Variants in ALDH3B1 observed in about 807,000 individuals in gnomAD.
ALDH3B1 encodes aldehyde dehydrogenase 3 family member B1.
ALDH3B1 carries 37 observed loss-of-function variants against 46.2 expected under a neutral mutation model. The ratio of observed to expected loss-of-function variants is 0.80; its 90% CI spans 0.62 to 1.05. ALDH3B1 has a LOEUF of 1.05. Ranked by LOEUF, ALDH3B1 falls within the 50% of genes least tolerant of loss-of-function variation. ALDH3B1 has a pLI of 0.00. For missense variants in ALDH3B1, 603 were observed against 665.5 expected, an observed-to-expected ratio of 0.91 and a Z score of 1.03; for synonymous variants, 283 against 281.0, an observed-to-expected ratio of 1.01 and a Z score of -0.07.
intron 6 of ALDH3B1, among the ~76,000 whole-genome samples, chr11:68,020,088 C>G (rs1292322506): frequency 6.6e-6 from 1 of 152,212 alleles, no homozygotes; most frequent in Admixed American, 6.5e-5. Flanking sequence ...AGACACCACC[C>G]TACTGGTGCC....
intron 5 of ALDH3B1, 97 bp downstream of exon 5, chr11:68,019,352 C>T: frequency 9.5e-7 from 1 of 1,050,286 alleles, no homozygotes; most frequent in South Asian, 1.4e-5. Flanking sequence ...GACCCGAGTC[C>T]CCACCTCAAT....
At position 68,021,640 on chromosome 11, in the gene ALDH3B1, G is replaced by C; in HGVS notation, c.718G>C (p.Ala240Pro). The C allele has an allele frequency of 5.0e-6, 8 of 1,613,938 alleles. No homozygotes were observed. Among genetic ancestry groups the C allele is most frequent in the Non-Finnish European group, 4.2e-6 (5 of 1,179,968 alleles). Reference protein sequence around the residue: ...NRVAWFRYFNAGQTCVAPDYV... With the variant: ...NRVAWFRYFNPGQTCVAPDYV... ...CGTGGCCTGGTTCCGCTACTTCAAC[G>C]CCGGCCAGACCTGCGTGGCCCCCGA... The change falls in exon 7 of 10, where the codon GCC becomes CCC. Residue 240 changes from alanine to proline, a missense_variant. By Grantham distance (27) the Ala-to-Pro change is conservative. Coordinates refer to ENST00000342456, the MANE Select transcript of ALDH3B1 (RefSeq NM_000694.4).
intron 8 of ALDH3B1, 26 bp downstream of exon 8, chr11:68,022,787 G>C (rs1857536695): frequency 6.2e-7 from 1 of 1,612,900 alleles, no homozygotes; most frequent in Non-Finnish European, 8.5e-7. Context: ...GGCTGGGCAG[G>C]GTCAGGAGCC....
rs1266267713 is a variant in ALDH3B1 at position 68,022,766 on chromosome 11, G to C, written c.1116+5G>C. 6.2e-7 allele frequency: 1 copy of C among 1,613,748 alleles called. No individual in the cohort carries two copies. Among genetic ancestry groups the C allele is most frequent in the Non-Finnish European group, 8.5e-7 (1 of 1,179,918 alleles). ...GCCTTCTCCAACAGCAGCCAGGTGG[G>C]GGTGCGGCCGGGCTGGGCAGGGTCA... On this transcript the variant is annotated splice_donor_5th_base_variant and intron_variant, in intron 8 of 9. Coordinates refer to ENST00000342456, the MANE Select transcript of ALDH3B1 (RefSeq NM_000694.4).
At chr11:68,027,687 CCACT>C (rs1392381045) in intron 9 of ALDH3B1, 58 bp from the exon 10 acceptor site, 1 of 1,508,354 alleles carries the variant, frequency 6.6e-7, no homozygotes, top group African/African-American at 1.4e-5. Flanking sequence ...CGCCTAGGCC[CCACT>C]GTCTGTGACT....
chr11:68,021,751 C>G lies in ALDH3B1; in HGVS notation c.829C>G (p.Gln277Glu). 6.2e-7 allele frequency: 1 copy of G among 1,614,202 alleles called. No homozygotes were observed. The change falls in exon 7 of 10, where the codon CAG becomes GAG. Residue 277 changes from glutamine to glutamate, a missense_variant. Physicochemically the swap from Gln to Glu is conservative, Grantham distance 29 (BLOSUM62 2). Coordinates refer to ENST00000342456, the MANE Select transcript of ALDH3B1 (RefSeq NM_000694.4). ...CACCCGTTTCTATGGCGACGACCCC[C>G]AGAGCTCCCCAAACCTGGGCCGCAT... ...TITRFYGDDP[Q>E]SSPNLGRIIN... is the part of the protein sequence containing the mutation.
At chr11:68,021,914 C>T (rs1397251896) in intron 7 of ALDH3B1, 43 bp downstream of exon 7, 1 of 1,549,432 alleles carries the variant, frequency 6.5e-7, no homozygotes, top group East Asian at 2.3e-5. Context: ...GGGCCAAGAC[C>T]CCTCCTCACT....
Position 68,018,778 on chromosome 11 carries a change from G to T in ALDH3B1, c.279G>T (p.Thr93=). 6.4e-7 allele frequency: 1 copy of T among 1,553,324 alleles called. No homozygotes were observed. Among genetic ancestry groups the T allele is most frequent in the Non-Finnish European group, 8.7e-7 (1 of 1,148,374 alleles). Residue 93 remains threonine (T), a synonymous_variant, in exon 4 of 10, where the codon ACG becomes ACT. Transcript: ENST00000342456. Reference sequence around the variant, plus strand: ...ATCCCCGGCTCCCGGCCCAGGCCACGCAGCTGGACTCCGCCTTCATCCGGA... The same window carrying T: ...ATCCCCGGCTCCCGGCCCAGGCCACTCAGCTGGACTCCGCCTTCATCCGGA... The part of the protein sequence containing the change: ...KDERVPKNLA[T]QLDSAFIRKE...
In ALDH3B1 at chr11:68,013,154, G is replaced by A. The variant is rs61887539; in HGVS notation, c.-1-2143G>A. 8.2e-3 allele frequency among the ~76,000 whole-genome samples: 1,245 copies of A among 152,246 alleles called. 11 individuals are homozygous for A. The highest frequency in any genetic ancestry group is 0.01 in the Non-Finnish European group (683 of 68,000). On this transcript the variant is annotated intron_variant, in intron 1 of 9. Coordinates refer to ENST00000342456, the MANE Select transcript of ALDH3B1 (RefSeq NM_000694.4). The stretch of plus-strand genomic sequence containing the variant: ...TCCCCCCAATCTCAGGCAGAAGGCG[G>A]CCTTGGCTTCTCCGCTTGCCAGGGT...
chr11:68,016,865 C>G (rs749080897), intron 2 of ALDH3B1: 2 of 152,330 alleles, frequency 1.3e-5, no homozygotes, highest in Non-Finnish European at 2.9e-5. Context: ...TTTCTCCCTT[C>G]GGCTCTGATT....
chr11:68,018,296 T>G, intron 2 of ALDH3B1: 3 of 557,970 alleles, frequency 5.4e-6, no homozygotes, highest in Non-Finnish European at 9.6e-6. Flanking sequence ...CGTTCTCACT[T>G]TCACATGGAA....
intron 1 of ALDH3B1, among the ~76,000 whole-genome samples, chr11:68,014,464 C>T (rs974103843): frequency 6.6e-6 from 1 of 152,196 alleles, no homozygotes; most frequent in Admixed American, 6.5e-5. Context: ...AGTGCTCCTC[C>T]GATGAACTTC....
chr11:68,012,975 G>T (rs1009693989), intron 1 of ALDH3B1, among the ~76,000 whole-genome samples: 3 of 152,086 alleles, frequency 2.0e-5, no homozygotes, highest in African/African-American at 7.2e-5. Context: ...GCGAGGGCAG[G>T]CATGGGGATC....
rs536694406 is a variant in ALDH3B1 at position 68,022,575 on chromosome 11, G to A, written c.950-20G>A. The A allele has an allele frequency of 8.4e-5, 135 of 1,612,130 alleles. 2 individuals are homozygous for A. The South Asian group carries it at 1.4e-3, about 17-fold the overall frequency. On this transcript the variant is annotated intron_variant, in intron 7 of 9. Transcript: ENST00000342456. ...GTCCTGACTGTGGCCCCAGGGCTGA[G>A]CTGTCTCTGGTGCCTGCAGCCCCCA...
At position 68,021,863 on chromosome 11, in the gene ALDH3B1, G is replaced by A. The variant is rs200743254; in HGVS notation, c.941G>A (p.Arg314His). The stretch of plus-strand genomic sequence containing the variant: ...GGGGGCCAGAGCGATGAGAGCGATC[G>A]CTACATCGGTGAGTCCTGCTGCCCC... Reference protein sequence around the residue: ...AIGGQSDESDRYIAPTVLVDV... With the variant: ...AIGGQSDESDHYIAPTVLVDV... Residue 314 changes from arginine to histidine, a missense_variant, in exon 7 of 10, where the codon CGC becomes CAC. Arg to His is a conservative substitution (Grantham distance 29). Coordinates refer to ENST00000342456, the MANE Select transcript of ALDH3B1 (RefSeq NM_000694.4). The A allele has an allele frequency of 1.1e-4, 181 of 1,602,766 alleles. No homozygotes were observed. Among genetic ancestry groups the A allele is most frequent in the Non-Finnish European group, 1.3e-4 (157 of 1,173,754 alleles).
At chr11:68,011,936 C>T (rs761707630) in intron 1 of ALDH3B1, among the ~76,000 whole-genome samples, 4 of 152,190 alleles carry the variant, frequency 2.6e-5, no homozygotes, top group Non-Finnish European at 5.9e-5. Flanking sequence ...AGATGGGAAA[C>T]GTGAATACAA....
intron 5 of ALDH3B1, 38 bp downstream of exon 5, chr11:68,019,293 C>A (rs1404238683): frequency 1.3e-6 from 2 of 1,582,662 alleles, no homozygotes; most frequent in South Asian, 2.3e-5. Flanking sequence ...CGGGAACAGG[C>A]AAGGCTCAAG....
intron 1 of ALDH3B1, among the ~76,000 whole-genome samples, chr11:68,010,643 G>A (rs1008530090): frequency 2.6e-5 from 4 of 152,164 alleles, no homozygotes; most frequent in East Asian, 3.9e-4. Flanking sequence ...TCCGTTGTCC[G>A]AGCTGGGTTG....
At chr11:68,019,883 G>A in intron 6 of ALDH3B1, 87 bp downstream of exon 6, 4 of 1,385,974 alleles carry the variant, frequency 2.9e-6, no homozygotes, top group East Asian at 2.3e-5. Flanking sequence ...GAGTCCACAG[G>A]GAGACTGAAT....
Sources: allele counts gnomAD v4.1 joint callset (sites outside exome capture counted in the v4.1 genomes callset), GRCh38; gene constraint gnomAD v4.1.1; transcripts MANE v1.5; gene names NCBI Gene and HGNC (gene_info 2026-07-23, HGNC 2026-07-21).